FDFT1: variants seen among roughly 807,000 people sequenced by gnomAD.
FDFT1 encodes farnesyl-diphosphate farnesyltransferase 1.
A neutral mutation model predicts 46.8 loss-of-function variants in FDFT1; 68 were observed. The ratio of observed to expected loss-of-function variants is 1.45; its 90% CI spans 1.19 to 1.78. The LOEUF is 1.78. Ranked by LOEUF, FDFT1 falls within the 40% of genes most tolerant of loss-of-function variation. FDFT1 has a pLI of 0.00. For synonymous variants in FDFT1, 351 were observed against 185.1 expected (o/e 1.90, Z -7.28); for missense variants, 928 against 524.4 (o/e 1.77, Z -7.52).
intron 3 of FDFT1, among the ~76,000 whole-genome samples, chr8:11,817,464 G>A (rs560584513): frequency 1.3e-5 from 2 of 152,276 alleles, no homozygotes; most frequent in South Asian, 4.1e-4. Flanking sequence ...TTGTACCTCT[G>A]GTAGAATTCG....
rs749863922 is a variant in FDFT1 at position 11,821,736 on chromosome 8, G to C, written c.382-14G>C. 1.5e-5 allele frequency: 24 copies of C among 1,611,564 alleles called. No homozygotes were observed. Among genetic ancestry groups the C allele is most frequent in the Admixed American group, 3.3e-5 (2 of 59,920 alleles). On this transcript the variant is annotated splice_polypyrimidine_tract_variant and intron_variant, in intron 3 of 7. Coordinates refer to ENST00000220584, the MANE Select transcript of FDFT1 (RefSeq NM_004462.5). ...TATTTCATGATTTCTGTGTTTTTACGGTTTCCATTTCAGATCTCCCTTGAG... is the reference window on the plus strand; with the variant it reads ...TATTTCATGATTTCTGTGTTTTTACCGTTTCCATTTCAGATCTCCCTTGAG...
At chr8:11,804,705 C>G (rs1020602834) in intron 1 of FDFT1, among the ~76,000 whole-genome samples, 2 of 141,272 alleles carry the variant, frequency 1.4e-5, no homozygotes, top group East Asian at 2.2e-4. Context: ...CTCCTGGGTT[C>G]AAGCAATTCT....
chr8:11,803,080 T>C, intron 1 of FDFT1, 149 bp downstream of exon 1: 1 of 1,439,738 alleles, frequency 6.9e-7, no homozygotes, highest in Non-Finnish European at 9.1e-7. Context: ...CCTCGAGCCT[T>C]CCCCCTGTAG....
At chr8:11,802,138 G>A (rs375243406), upstream of FDFT1, 1 of 453,916 alleles carries the variant, frequency 2.2e-6, no homozygotes, top group South Asian at 1.6e-5. Context: ...GAAGCTCCAG[G>A]AGTGTGTGGG....
At position 11,830,280 on chromosome 8, in the gene FDFT1, G is replaced by C; in HGVS notation, c.739G>C (p.Ala247Pro). The C allele has an allele frequency of 6.2e-7, 1 of 1,614,036 alleles. No homozygotes were observed. The highest frequency in any genetic ancestry group is 1.1e-5 in the South Asian group (1 of 91,074). The stretch of plus-strand genomic sequence containing the variant: ...GTATGTTAAGAAGTTAGGGGATTTT[G>C]CTAAGCCGGAGAATATTGACTTGGC... ...SRYVKKLGDF[A>P]KPENIDLAVQ... is the part of the protein sequence containing the mutation. The change falls in exon 6 of 8, where the codon GCT (alanine) becomes CCT (proline). Residue 247 changes from alanine to proline, a missense_variant. By Grantham distance (27) the Ala-to-Pro change is conservative (BLOSUM62 -1). Coordinates refer to ENST00000220584, the MANE Select transcript of FDFT1 (RefSeq NM_004462.5).
chr8:11,799,085 T>G (rs1188122653), upstream of FDFT1, among the ~76,000 whole-genome samples: 1 of 152,228 alleles, frequency 6.6e-6, no homozygotes, highest in African/African-American at 2.4e-5. Flanking sequence ...AACATGTATG[T>G]AATATATGAC....
chr8:11,820,139 T>C (rs949231953), intron 3 of FDFT1, among the ~76,000 whole-genome samples: 3 of 152,222 alleles, frequency 2.0e-5, no homozygotes, highest in African/African-American at 7.2e-5. Flanking sequence ...AGGTCCACTC[T>C]AGACCCTGTT....
chr8:11,821,635 C>CT (rs1477963904), intron 3 of FDFT1, 115 bp from the exon 4 acceptor site: 63 of 1,241,938 alleles, frequency 5.1e-5, no homozygotes, highest in Non-Finnish European at 6.8e-5. Context: ...CTAAATTAGG[C>CT]TTATAGATGA....
chr8:11,830,665 C>G (rs1176996272), intron 6 of FDFT1, among the ~76,000 whole-genome samples: 2 of 152,168 alleles, frequency 1.3e-5, no homozygotes, highest in Non-Finnish European at 2.9e-5. Context: ...TACAGCTATC[C>G]TAAACTAGTT....
intron 3 of FDFT1, among the ~76,000 whole-genome samples, chr8:11,813,168 C>T (rs1185974775): frequency 6.6e-6 from 1 of 152,130 alleles, no homozygotes; most frequent in African/African-American, 2.4e-5. Context: ...GTCTTAAGGG[C>T]CCACCATTGT....
chr8:11,829,871 G>T (rs374810538), intron 5 of FDFT1, among the ~76,000 whole-genome samples: 1 of 151,426 alleles, frequency 6.6e-6, no homozygotes, highest in Non-Finnish European at 1.5e-5. Flanking sequence ...TTTTTGTGAC[G>T]GAGTCTCACT....
At chr8:11,827,728 C>G (rs1484982208) in intron 5 of FDFT1, among the ~76,000 whole-genome samples, 2 of 152,100 alleles carry the variant, frequency 1.3e-5, no homozygotes, top group Non-Finnish European at 2.9e-5. Context: ...GAGTCTTACT[C>G]CTAAGAAAAA....
intron 1 of FDFT1, among the ~76,000 whole-genome samples, chr8:11,804,309 A>G (rs1351058066): frequency 6.6e-6 from 1 of 152,210 alleles, no homozygotes; most frequent in African/African-American, 2.4e-5. Flanking sequence ...AAAGACTGTT[A>G]GAGAAAATGG....
rs17153900 is a variant in FDFT1, at chr8:11,830,149, A to C, written c.703-95A>C. The C allele has an allele frequency of 3.7e-3, 3,900 of 1,046,930 alleles. 85 individuals are homozygous for C. The African/African-American group carries it at 0.048, about 13-fold the overall frequency. 64.9% of individuals were successfully genotyped at this position (1,046,930 alleles called of 1,614,324 possible). On this transcript the variant is annotated intron_variant, in intron 5 of 7. Transcript: ENST00000220584. ...GCGTGAGCCACGGCGCCCAGCCTGTATCATAGTTCTTATGCACAAAGACCC... is the reference window on the plus strand; with the variant it reads ...GCGTGAGCCACGGCGCCCAGCCTGTCTCATAGTTCTTATGCACAAAGACCC...
rs1807253422 is a variant in FDFT1, at chr8:11,808,723, CCCA to C, written c.100-69_100-67del. The C allele has an allele frequency of 3.9e-6, 6 of 1,557,898 alleles. No individual in the cohort carries two copies. The East Asian group carries it at 7.1e-5, about 18-fold the overall frequency. ...CGCCTGCCCCAGTCCCACTCCCACT[CCCA>C]CTCCCACTCCCACTCCCACTCCTGC... is the stretch of plus-strand genomic sequence containing the variant. On this transcript the variant is annotated intron_variant, in intron 1 of 7. Transcript: ENST00000220584.
chr8:11,826,136 G>A lies in FDFT1; in HGVS notation c.623G>A (p.Gly208Asp), dbSNP rs751009166. 26 of 1,609,008 alleles carry A rather than the reference G, an allele frequency of 1.6e-5. No homozygotes were observed. The change falls in exon 5 of 8, where the codon GGC (glycine) becomes GAC (aspartate). Residue 208 changes from glycine to aspartate, a missense_variant. Coordinates refer to ENST00000220584, the MANE Select transcript of FDFT1 (RefSeq NM_004462.5). ...GATACAGAACGTGCCAACTCTATGGGCCTGTTTTTGCAGAAAACAAACATC... is the reference window on the plus strand; with the variant it reads ...GATACAGAACGTGCCAACTCTATGGACCTGTTTTTGCAGAAAACAAACATC... ...GEDTERANSM[G>D]LFLQKTNIIR...
chr8:11,832,159 C>G (rs1810891084), intron 7 of FDFT1, among the ~76,000 whole-genome samples: 1 of 152,156 alleles, frequency 6.6e-6, no homozygotes, highest in African/African-American at 2.4e-5. Flanking sequence ...CAATTATTTC[C>G]TAAATTTTCT....
upstream of FDFT1, among the ~76,000 whole-genome samples, chr8:11,800,259 T>TC (rs1805977809): frequency 2.1e-5 from 1 of 47,490 alleles, no homozygotes; most frequent in African/African-American, 1.0e-4. Flanking sequence ...AAATTCTGTC[T>TC]CAAAAAAAAA....
At chr8:11,809,635 C>A in intron 2 of FDFT1, 32 bp from the exon 3 acceptor site, 3 of 1,545,840 alleles carry the variant, frequency 1.9e-6, no homozygotes, top group African/African-American at 1.4e-5. Context: ...GCTGTTTGTT[C>A]CAATATATTA....
Sources: gnomAD v4.1 joint callset for allele counts (sites outside exome capture counted in the v4.1 genomes callset) on GRCh38, gnomAD v4.1.1 for gene constraint, MANE v1.5 for transcripts, NCBI Gene and HGNC (gene_info 2026-07-23, HGNC 2026-07-21) for gene names.